Variants in POLR1C observed in about 807,000 individuals in gnomAD.
The protein encoded by POLR1C is DNA-directed RNA polymerases I and III subunit RPAC1.
In POLR1C, 42 loss-of-function variants were observed where a neutral mutation model predicts 38.3. The ratio of observed to expected loss-of-function variants is 1.10; its 90% CI spans 0.86 to 1.42. The LOEUF is 1.42. Among genes scored for constraint, POLR1C ranks in the 40% most tolerant of loss-of-function variants. POLR1C has a pLI of 0.00. For synonymous variants in POLR1C, 163 were observed against 163.9 expected (o/e 0.99, Z 0.04); for missense variants, 507 against 450.5 (o/e 1.13, Z -1.14).
At chr6:43,525,383 C>G, downstream of POLR1C, 1 of 638,592 alleles carries the variant, frequency 1.6e-6, no homozygotes, top group Middle Eastern at 4.3e-4. Flanking sequence ...AGCTATTCTC[C>G]CATCTAAGCC....
intron 3 of POLR1C, 79 bp downstream of exon 3, chr6:43,519,519 AAGCTGTCCTTCCCTCCTT>A: frequency 7.4e-7 from 1 of 1,359,514 alleles, no homozygotes; most frequent in South Asian, 1.2e-5. Context: ...TAAGTGTCTC[AAGCTGTCCTTCCCTCCTT>A]AATTTTCCTG....
chr6:43,545,946 A>G, intron 9 of POLR1C, among the ~76,000 whole-genome samples: 1 of 152,156 alleles, frequency 6.6e-6, no homozygotes, highest in Non-Finnish European at 1.5e-5. Context: ...ACCACTGGGC[A>G]TCTAGTTAAA....
rs557725165 is a variant in POLR1C, at chr6:43,527,580, C to T, written c.923-1669C>T. On this transcript the variant is annotated intron_variant, in intron 8 of 8. Coordinates refer to the POLR1C transcript ENST00000304004. ...GCCTTCATGGAGTTGGCTGAGCGAC[C>T]AGCTCTTCTTCCAGGAAAATCCTCT... 8.2e-6 allele frequency: 13 copies of T among 1,585,526 alleles called. No individual in the cohort carries two copies. The South Asian group carries it at 1.3e-4, about 16-fold the overall frequency.
exon 11 of POLR1C, chr6:43,562,145 G>C: frequency 1.2e-6 from 1 of 840,790 alleles, no homozygotes; most frequent in Non-Finnish European, 1.9e-6. Context: ...TGCCCCATCA[G>C]GCTAAAATCA....
At chr6:43,554,717 C>G (rs1761950550) in intron 10 of POLR1C, among the ~76,000 whole-genome samples, 1 of 152,214 alleles carries the variant, frequency 6.6e-6, no homozygotes, top group Non-Finnish European at 1.5e-5. Context: ...GCCACCCTGC[C>G]TGGCCTAAGA....
chr6:43,531,807 T>C (rs59447550), downstream of POLR1C, among the ~76,000 whole-genome samples: 23,625 of 151,430 alleles, frequency 0.16, 3,569 homozygotes, highest in African/African-American at 0.4. Context: ...CTTTTTTTTT[T>C]CCCCCAGATG....
chr6:43,554,106 TTTTC>T (rs796924476), intron 10 of POLR1C, among the ~76,000 whole-genome samples: 11 of 152,178 alleles, frequency 7.2e-5, no homozygotes, highest in African/African-American at 2.6e-4. Context: ...TACCAACTGC[TTTTC>T]TTTTTTTGTT....
chr6:43,533,657 C>T (rs113141682), downstream of POLR1C: 36 of 288,094 alleles, frequency 1.2e-4, no homozygotes, highest in African/African-American at 7.8e-4. Context: ...GGCAACATAG[C>T]AAGACTCTGT....
chr6:43,534,152 C>A (rs1485520075), downstream of POLR1C: 2 of 512,222 alleles, frequency 3.9e-6, no homozygotes, highest in East Asian at 7.8e-5. Flanking sequence ...GTATAAATAT[C>A]TGAATGCTCG....
intron 10 of POLR1C, chr6:43,551,592 A>G (rs1795231879): frequency 6.8e-6 from 7 of 1,024,210 alleles, no homozygotes; most frequent in Non-Finnish European, 1.0e-5. Context: ...TGGCACAATC[A>G]TCACTCACTG....
At position 43,521,373 on chromosome 6, in the gene POLR1C, A is replaced by C. The variant is rs907421783; in HGVS notation, c.*73A>C. The stretch of plus-strand genomic sequence containing the variant: ...CACCCTACAGGACTGCTGAACAGAG[A>C]GCCCAGTGTGACTAGGGATCCTGAG... On this transcript the variant is annotated 3_prime_UTR_variant, in exon 9 of 9. Transcript: ENST00000642195. 1.7e-5 allele frequency: 27 copies of C among 1,609,264 alleles called. No individual in the cohort carries two copies. In the African/African-American group the frequency reaches 3.1e-4, roughly 18 times the overall value.
rs749301680 is a variant in POLR1C at position 43,553,510 on chromosome 6, A to AACAC, written c.*48+2511_*48+2514dup. ...GTTCCAACTGCAGAACAAGCTTTAA[A>AACAC]ACACACACACACACATACACACACA... On this transcript the variant is annotated intron_variant, in intron 10 of 10. Transcript: ENST00000607635. The AACAC allele has an allele frequency of 2.1e-5, 32 of 1,503,410 alleles. No individual in the cohort carries two copies. In the African/African-American group the frequency reaches 2.3e-4, roughly 11 times the overall value. 93.1% of individuals were successfully genotyped at this position (1,503,410 alleles called of 1,614,324 possible).
At chr6:43,522,729 G>C, downstream of POLR1C, 1 of 501,150 alleles carries the variant, frequency 2.0e-6, no homozygotes, top group Non-Finnish European at 4.2e-6. Context: ...CAGTGGACTG[G>C]ATGGACAACA....
chr6:43,520,591 G>C, intron 6 of POLR1C, 34 bp from the exon 7 acceptor site: 1 of 1,613,904 alleles, frequency 6.2e-7, no homozygotes, highest in Non-Finnish European at 8.5e-7. Flanking sequence ...CCCTAGAAGG[G>C]TTTCCTATAG....
downstream of POLR1C, chr6:43,525,270 T>C: frequency 6.6e-7 from 1 of 1,505,218 alleles, no homozygotes. Flanking sequence ...TTTTCTCTGA[T>C]GATTATTACA....
intron 10 of POLR1C, chr6:43,553,367 A>G: frequency 3.1e-6 from 5 of 1,605,602 alleles, no homozygotes; most frequent in Non-Finnish European, 4.3e-6. Flanking sequence ...GGAAATAATT[A>G]CTTACTTCTC....
At chr6:43,538,988 G>C in intron 9 of POLR1C, 3 of 1,470,302 alleles carry the variant, frequency 2.0e-6, no homozygotes, top group Non-Finnish European at 2.8e-6. Context: ...ATCAAAGGTG[G>C]CCTTGGCGAA....
intron 9 of POLR1C, chr6:43,539,473 G>A (rs1338564927): frequency 3.8e-6 from 6 of 1,577,582 alleles, no homozygotes; most frequent in African/African-American, 1.3e-5. Flanking sequence ...TCTCCTCCAG[G>A]GACTTGATCT....
chr6:43,558,734 T>C, intron 10 of POLR1C: 1 of 606,184 alleles, frequency 1.6e-6, no homozygotes. Context: ...TCCACTTCAG[T>C]TCTATCACAG....
Sources: gnomAD v4.1 joint callset for allele counts (sites outside exome capture counted in the v4.1 genomes callset) on GRCh38, gnomAD v4.1.1 for gene constraint, MANE v1.5 for transcripts, NCBI Gene and HGNC (gene_info 2026-07-23, HGNC 2026-07-21) for gene names.